EVC2: variants seen among roughly 807,000 people sequenced by gnomAD.
EVC2 encodes the protein EvC ciliary complex subunit 2, also known as limbin.
A neutral mutation model predicts 149.3 loss-of-function variants in EVC2; 148 were observed. The observed-to-expected ratio is 0.99, with a 90% CI of 0.87 to 1.14. The LOEUF is 1.14. Ranked by LOEUF, EVC2 falls within the 50% of genes most tolerant of loss-of-function variation. The probability of loss-of-function intolerance (pLI) is 0.00; values close to 1 mark genes in which losing one functional copy is unlikely to be tolerated. For synonymous variants in EVC2, 776 were observed against 649.9 expected (o/e 1.19, Z -2.95); for missense variants, 1,854 against 1,627.3 (o/e 1.14, Z -2.40).
intron 17 of EVC2, among the ~76,000 whole-genome samples, chr4:5,583,479 GT>G (rs1711984270): frequency 6.6e-6 from 1 of 152,160 alleles, no homozygotes; most frequent in South Asian, 2.1e-4. Context: ...CTGGAGTTGG[GT>G]GTCTTTTGTG....
chr4:5,554,968 T>C (rs1203998547), intron 21 of EVC2, among the ~76,000 whole-genome samples: 2 of 152,184 alleles, frequency 1.3e-5, no homozygotes, highest in Non-Finnish European at 2.9e-5. Context: ...ATGCCAAATA[T>C]TTACTTAAAA....
At chr4:5,609,712 T>C (rs1714675918) in intron 16 of EVC2, among the ~76,000 whole-genome samples, 1 of 152,178 alleles carries the variant, frequency 6.6e-6, no homozygotes, top group Admixed American at 6.5e-5. Context: ...TCACCCTGCA[T>C]TGTGAAACCA....
At chr4:5,707,748 A>C (rs1326878441) in intron 1 of EVC2, among the ~76,000 whole-genome samples, 2 of 152,088 alleles carry the variant, frequency 1.3e-5, no homozygotes, top group African/African-American at 4.8e-5. Context: ...CCAGGGATCC[A>C]TGCCTTTCGA....
intron 13 of EVC2, among the ~76,000 whole-genome samples, chr4:5,624,875 C>A (rs1577173830): frequency 6.6e-6 from 1 of 152,190 alleles, no homozygotes; most frequent in African/African-American, 2.4e-5. Context: ...CCCCTCCCTG[C>A]AAATGGTGTC....
At position 5,670,128 on chromosome 4, in the gene EVC2, A is replaced by G. The variant is rs1227464060; in HGVS notation, c.871-4479T>C. 6.6e-6 allele frequency among the ~76,000 whole-genome samples: 1 copy of G among 152,214 alleles called. No individual in the cohort carries two copies. Among genetic ancestry groups the G allele is most frequent in the Non-Finnish European group, 1.5e-5 (1 of 68,048 alleles). On this transcript the variant is annotated intron_variant, in intron 7 of 21. Coordinates refer to ENST00000344408, the MANE Select transcript of EVC2 (RefSeq NM_147127.5). This position sits in a 1 kb window ranked among gnomAD's most constrained non-coding sequence, Gnocchi z 5.2. ...AATGACCAAAGAAGAGTAAGATCTC[A>G]ATATGTAATTTTATGAGAAGAAGGA...
chr4:5,624,785 A>G (rs1715980073), intron 13 of EVC2, among the ~76,000 whole-genome samples: 1 of 152,188 alleles, frequency 6.6e-6, no homozygotes. Context: ...CAAGGCCAGA[A>G]TCATGGCTTT....
intron 21 of EVC2, among the ~76,000 whole-genome samples, chr4:5,553,118 C>A (rs972179963): frequency 6.6e-6 from 1 of 152,100 alleles, no homozygotes; most frequent in Non-Finnish European, 1.5e-5. Flanking sequence ...GTTCCACAGG[C>A]TATACAGGAA....
At chr4:5,668,813 T>C (rs1016737210) in intron 7 of EVC2, among the ~76,000 whole-genome samples, 4 of 152,194 alleles carry the variant, frequency 2.6e-5, no homozygotes, top group Non-Finnish European at 4.4e-5. Flanking sequence ...TAGGTAAATG[T>C]AGTGAGTTGA....
intron 11 of EVC2, among the ~76,000 whole-genome samples, chr4:5,629,702 T>C (rs1447279348): frequency 6.6e-5 from 10 of 152,232 alleles, no homozygotes. Context: ...AGTGAAAAGC[T>C]GCATGGCCAG....
chr4:5,615,887 C>T (rs12645867), intron 15 of EVC2, among the ~76,000 whole-genome samples: 56,434 of 152,074 alleles, frequency 0.37, 11,596 homozygotes, highest in East Asian at 0.6. Context: ...GAGAAGGGGA[C>T]GCTATGAATG....
chr4:5,609,970 A>T (rs1714690577), intron 16 of EVC2, among the ~76,000 whole-genome samples: 1 of 152,190 alleles, frequency 6.6e-6, no homozygotes, highest in Non-Finnish European at 1.5e-5. Context: ...AGGGTAAAGC[A>T]TGTAATGAAC....
In EVC2 at chr4:5,677,370, A is replaced by G. The variant is rs564389992; in HGVS notation, c.870+3890T>C. ...AACACCATAGGGCCATCCTGTGCAT[A>G]CACCTCCTCTTCCCACTCAACAGGG... On this transcript the variant is annotated intron_variant, in intron 7 of 21. Transcript: ENST00000344408. This position sits in a 1 kb window ranked among gnomAD's most constrained non-coding sequence, Gnocchi z 4.3. 6.6e-6 allele frequency among the ~76,000 whole-genome samples: 1 copy of G among 152,250 alleles called. No homozygotes were observed. The highest frequency in any genetic ancestry group is 6.5e-5 in the Admixed American group (1 of 15,292).
At chr4:5,702,666 C>A (rs1721899094) in intron 1 of EVC2, among the ~76,000 whole-genome samples, 1 of 152,170 alleles carries the variant, frequency 6.6e-6, no homozygotes, top group Non-Finnish European at 1.5e-5. Context: ...CCCTTTTAGA[C>A]CATCTGGGAA....
downstream of EVC2, among the ~76,000 whole-genome samples, chr4:5,561,248 T>C (rs528145813): frequency 2.6e-5 from 4 of 152,360 alleles, no homozygotes; most frequent in East Asian, 5.8e-4. Context: ...CAATTATATC[T>C]ACTTGCCCAA....
In EVC2 at chr4:5,628,592, G is replaced by T. The variant is rs191166443; in HGVS notation, c.1853C>A (p.Ala618Asp). The change falls in exon 12 of 22, where the codon GCC (alanine) becomes GAC (aspartate). Residue 618 changes from alanine (A) to aspartate (D), a missense_variant. By Grantham distance (126) the Ala-to-Asp change is moderately radical. Transcript: ENST00000344408. The stretch of plus-strand genomic sequence containing the variant: ...CTTCTGAATGAGGTGAGTCAGCTGG[G>T]CTGCAGCGGTGCTCAGAAGGCCCTG... ...RVQGLLSTAA[A>D]QLTHLIQKHE... 6.2e-7 allele frequency: 1 copy of T among 1,614,066 alleles called. No homozygotes were observed. The highest frequency in any genetic ancestry group is 8.5e-7 in the Non-Finnish European group (1 of 1,180,014).
chr4:5,549,943 T>G (rs566095946), intron 21 of EVC2, among the ~76,000 whole-genome samples: 8 of 152,218 alleles, frequency 5.3e-5, no homozygotes, highest in Non-Finnish European at 1.0e-4. Flanking sequence ...AATGGGAGTT[T>G]GCCTGCACAA....
intron 16 of EVC2, among the ~76,000 whole-genome samples, chr4:5,587,388 T>A (rs555600820): frequency 1.3e-5 from 2 of 152,374 alleles, no homozygotes; most frequent in South Asian, 4.1e-4. Flanking sequence ...CTGGCTTCTT[T>A]TACTTCGCAT....
At chr4:5,621,296 G>A (rs1456308320) in intron 14 of EVC2, among the ~76,000 whole-genome samples, 1 of 152,220 alleles carries the variant, frequency 6.6e-6, no homozygotes, top group Admixed American at 6.5e-5. Flanking sequence ...CATCCAAGAT[G>A]AGCCCAGGCT....
At chr4:5,596,201 G>C (rs1189293944) in intron 16 of EVC2, among the ~76,000 whole-genome samples, 1 of 152,254 alleles carries the variant, frequency 6.6e-6, no homozygotes, top group Non-Finnish European at 1.5e-5. Context: ...ACTGAACTCA[G>C]CTCTGCACCA....
Sources: gnomAD v4.1 joint callset for allele counts (sites outside exome capture counted in the v4.1 genomes callset) on GRCh38, gnomAD v4.1.1 for gene constraint, Gnocchi (gnomAD v3.1) non-coding constraint, MANE v1.5 for transcripts, NCBI Gene and HGNC (gene_info 2026-07-23, HGNC 2026-07-21) for gene names.